The following PYROXD2 variants were observed in gnomAD, a reference collection of about 807,000 sequenced individuals.
PYROXD2 encodes the protein pyridine nucleotide-disulfide oxidoreductase domain-containing protein 2.
PYROXD2 carries 69 observed loss-of-function variants against 71.1 expected under a neutral mutation model. The observed-to-expected ratio is 0.97, with a 90% CI of 0.80 to 1.19. PYROXD2 has a LOEUF of 1.19. Among genes scored for constraint, PYROXD2 ranks in the 50% most tolerant of loss-of-function variants. The probability of loss-of-function intolerance (pLI) is 0.00; values close to 1 mark genes in which losing one functional copy is unlikely to be tolerated. For missense variants in PYROXD2, 745 were observed against 748.9 expected, an observed-to-expected ratio of 0.99 and a Z score of 0.06; for synonymous variants, 287 against 302.7, an observed-to-expected ratio of 0.95 and a Z score of 0.54.
At chr10:98,403,066 G>A (rs763226695) in intron 4 of PYROXD2, among the ~76,000 whole-genome samples, 1 of 152,106 alleles carries the variant, frequency 6.6e-6, no homozygotes, top group African/African-American at 2.4e-5. Flanking sequence ...CACTGGAGAT[G>A]CTCCAGGCGG....
rs559813370 is a variant in PYROXD2 at position 98,414,970 on chromosome 10, C to T, written c.127+39G>A. The T allele has an allele frequency of 2.2e-4, 355 of 1,603,266 alleles. 3 individuals are homozygous for T. The South Asian group carries it at 3.7e-3, about 17-fold the overall frequency. ...CAAGCTCTGAGCAGGGCTGTCTTCC[C>T]GCCCCTCAGCTCTGGCCCGGCCTGC... On this transcript the variant is annotated intron_variant, in intron 1 of 15. Transcript: ENST00000370575.
At chr10:98,399,896 C>T (rs1843331068) in intron 5 of PYROXD2, among the ~76,000 whole-genome samples, 1 of 152,216 alleles carries the variant, frequency 6.6e-6, no homozygotes, top group South Asian at 2.1e-4. Context: ...GCCTCCCAGT[C>T]CACTGGTCTT....
intron 4 of PYROXD2, among the ~76,000 whole-genome samples, chr10:98,406,891 CA>C (rs35562526): frequency 0.27 from 20,030 of 73,160 alleles, 1,127 homozygotes; most frequent in South Asian, 0.42. Flanking sequence ...GACTCCGTCC[CA>C]AAAAAAAAAA....
intron 4 of PYROXD2, among the ~76,000 whole-genome samples, chr10:98,403,961 A>G (rs542830880): frequency 6.6e-6 from 1 of 152,376 alleles, no homozygotes; most frequent in East Asian, 1.9e-4. Context: ...TATTTTAAGT[A>G]TAACTAATTG....
chr10:98,395,076 T>C (rs1289561867), intron 8 of PYROXD2, 120 bp downstream of exon 8: 12 of 843,182 alleles, frequency 1.4e-5, no homozygotes, highest in Non-Finnish European at 2.0e-5. Flanking sequence ...GCTCGGTTCC[T>C]GGCTCACTGG....
intron 8 of PYROXD2, 105 bp downstream of exon 8, chr10:98,395,091 G>T: frequency 1.0e-6 from 1 of 956,464 alleles, no homozygotes; most frequent in Non-Finnish European, 1.7e-6. Context: ...CACTGGGTGA[G>T]CTCTGTTAAG....
intron 10 of PYROXD2, 93 bp downstream of exon 10, chr10:98,392,339 A>G (rs1202918426): frequency 1.5e-5 from 23 of 1,533,734 alleles, no homozygotes; most frequent in Non-Finnish European, 1.8e-5. Context: ...TGCATCTCAC[A>G]CCCTGATGCA....
intron 10 of PYROXD2, 24 bp from the exon 11 acceptor site, chr10:98,391,106 AG>A (rs1423451343): frequency 6.6e-7 from 1 of 1,503,930 alleles, no homozygotes; most frequent in Non-Finnish European, 9.3e-7. Context: ...GCTCCATGAA[AG>A]GCCTCAGATG....
Position 98,388,458 on chromosome 10 carries a change from G to C in PYROXD2, c.1343C>G (p.Pro448Arg). The change falls in exon 13 of 16, where the codon CCC (proline) becomes CGC (arginine). Residue 448 changes from proline (P) to arginine (R), a missense_variant. Physicochemically the swap from Pro to Arg is moderately radical, Grantham distance 103. Transcript: ENST00000370575. ...GAGGGAGACTACATGGCAGCCAGGG[G>C]GAGCCAGGGTGGGGTCCAGCGAGGA... Reference protein sequence around the residue: ...IPSSLDPTLAPPGCHVVSLFT... With the variant: ...IPSSLDPTLARPGCHVVSLFT... 6.2e-7 allele frequency: 1 copy of C among 1,612,956 alleles called. No homozygotes were observed. Among genetic ancestry groups the C allele is most frequent in the Non-Finnish European group, 8.5e-7 (1 of 1,179,722 alleles).
At chr10:98,404,359 C>G (rs73333648) in intron 4 of PYROXD2, among the ~76,000 whole-genome samples, 8,076 of 152,246 alleles carry the variant, frequency 0.053, 243 homozygotes, top group East Asian at 0.12. Context: ...AGACTGTGAG[C>G]ATACTCCAGC....
intron 12 of PYROXD2, 63 bp from the exon 13 acceptor site, chr10:98,388,571 A>G: frequency 2.8e-6 from 4 of 1,442,140 alleles, no homozygotes; most frequent in Non-Finnish European, 3.7e-6. Context: ...AGGGCATCCG[A>G]GATGACTTGG....
intron 2 of PYROXD2, among the ~76,000 whole-genome samples, chr10:98,409,899 G>A (rs1007981781): frequency 2.0e-5 from 3 of 152,070 alleles, no homozygotes; most frequent in Non-Finnish European, 4.4e-5. Context: ...CCAACATGGC[G>A]AAACCCCGTC....
chr10:98,392,281 G>T, intron 10 of PYROXD2, 151 bp downstream of exon 10: 1 of 1,291,140 alleles, frequency 7.7e-7, no homozygotes, highest in Non-Finnish European at 1.0e-6. Context: ...TTCCCCGTTT[G>T]CTACCTGCCC....
Position 98,387,287 on chromosome 10 carries a change from A to G in PYROXD2, c.1468T>C (p.Tyr490His), listed in dbSNP as rs1159541507. The change falls in exon 14 of 16, where the codon TAT becomes CAT. Residue 490 changes from tyrosine to histidine, a missense_variant. Transcript: ENST00000370575. The stretch of plus-strand genomic sequence containing the variant: ...ACAGAGTCCTTGAAGCCAGGGGCAT[A>G]GACCTCGATGCAATCAAACACTGGG... ...ADRVFDCIEV[Y>H]APGFKDSVVG... 27 of 1,614,032 alleles carry G rather than the reference A, an allele frequency of 1.7e-5. No homozygotes were observed. Among genetic ancestry groups the G allele is most frequent in the Non-Finnish European group, 2.3e-5 (27 of 1,179,914 alleles).
At chr10:98,396,344 G>A (rs964889599) in intron 6 of PYROXD2, among the ~76,000 whole-genome samples, 5 of 152,192 alleles carry the variant, frequency 3.3e-5, no homozygotes, top group South Asian at 2.1e-4. Flanking sequence ...CAAGGAGGAC[G>A]AGAGGTACCT....
At position 98,392,459 on chromosome 10, in the gene PYROXD2, CT is replaced by C. The variant is rs757077852; in HGVS notation, c.1034del (p.Gln345ArgfsTer5). On this transcript the variant is annotated frameshift_variant, in exon 10 of 16. Coordinates refer to ENST00000370575, the MANE Select transcript of PYROXD2 (RefSeq NM_032709.3). LOFTEE classifies it high-confidence loss of function. The stretch of plus-strand genomic sequence containing the variant: ...GTGGCGTCAGCTTCAGGAAGGTGAT[CT>C]GCGGTGATGTGTTGGACAGCACCAT... ...SKMVLSNTSP[Q>X]ITFLKLTPQE... 1 of 1,613,830 alleles carries C rather than the reference CT, an allele frequency of 6.2e-7. No individual in the cohort carries two copies. Among genetic ancestry groups the C allele is most frequent in the East Asian group, 2.2e-5 (1 of 44,878 alleles).
chr10:98,391,653 G>A (rs1014117521), intron 10 of PYROXD2, among the ~76,000 whole-genome samples: 2 of 152,134 alleles, frequency 1.3e-5, no homozygotes, highest in African/African-American at 4.8e-5. Context: ...CTGACTCTAG[G>A]CTTGGCCATG....
At chr10:98,402,980 G>C (rs1038253824) in intron 4 of PYROXD2, among the ~76,000 whole-genome samples, 2 of 152,198 alleles carry the variant, frequency 1.3e-5, no homozygotes, top group Admixed American at 6.5e-5. Flanking sequence ...AAATGAGATC[G>C]GAGAGTAGAC....
chr10:98,407,914 C>T lies in PYROXD2; in HGVS notation c.231G>A (p.Glu77=). Residue 77 remains glutamate (E), a synonymous_variant, in exon 3 of 16, where the codon GAG becomes GAA. Coordinates refer to ENST00000370575, the MANE Select transcript of PYROXD2 (RefSeq NM_032709.3). ...HVIGGAAVTE[E]IIPGFKFSRA... is the part of the protein sequence containing the mutation. ...CACATCAGAGCTCACCTGGGATGATCTCCTCAGTGACAGCTGCACCCCCGA... is the reference window on the plus strand; with the variant it reads ...CACATCAGAGCTCACCTGGGATGATTTCCTCAGTGACAGCTGCACCCCCGA... 1 of 1,608,058 alleles carries T rather than the reference C, an allele frequency of 6.2e-7. No homozygotes were observed. The highest frequency in any genetic ancestry group is 8.5e-7 in the Non-Finnish European group (1 of 1,177,628).
Sources: gnomAD v4.1 joint callset for allele counts (sites outside exome capture counted in the v4.1 genomes callset) on GRCh38, gnomAD v4.1.1 for gene constraint, MANE v1.5 for transcripts, NCBI Gene and HGNC (gene_info 2026-07-23, HGNC 2026-07-21) for gene names.